Variants in RBPJ observed in about 807,000 individuals in gnomAD.
RBPJ encodes recombining binding protein suppressor of hairless.
RBPJ carries 9 observed loss-of-function variants against 67.8 expected under a neutral mutation model. That is an observed-to-expected ratio of 0.13 (90% confidence interval 0.08 to 0.23). The LOEUF is 0.23. Ranked by LOEUF, RBPJ falls within the 10% of genes least tolerant of loss-of-function variation. The pLI, the probability that RBPJ is intolerant of heterozygous loss-of-function variation, is 1.00. For synonymous variants in RBPJ, 198 were observed against 203.3 expected (o/e 0.97, Z 0.22); for missense variants, 305 against 595.6 (o/e 0.51, Z 5.08).
chr4:26,346,995 AAAAAAAT>A (rs896324449), intron 1 of RBPJ, among the ~76,000 whole-genome samples: 1 of 152,124 alleles, frequency 6.6e-6, no homozygotes, highest in African/African-American at 2.4e-5. Flanking sequence ...CCATCTCAAA[AAAAAAAT>A]AAAAAATAAA....
chr4:26,364,924 CTTTATAACTT>C (rs1162897076), intron 1 of RBPJ, among the ~76,000 whole-genome samples: 2 of 151,772 alleles, frequency 1.3e-5, no homozygotes, highest in Non-Finnish European at 2.9e-5. Flanking sequence ...GCCTGGAAGT[CTTTATAACTT>C]TGTGGTTAAG....
At chr4:26,201,038 T>C (rs556974990) in intron 1 of RBPJ, among the ~76,000 whole-genome samples, 10 of 152,198 alleles carry the variant, frequency 6.6e-5, no homozygotes, top group Non-Finnish European at 8.8e-5. Context: ...TGAGTATCCA[T>C]TCACCATCTC....
At chr4:26,161,582 G>T (rs1716078858), upstream of RBPJ, among the ~76,000 whole-genome samples, 1 of 152,176 alleles carries the variant, frequency 6.6e-6, no homozygotes, top group Admixed American at 6.5e-5. Context: ...CTGCTATGGG[G>T]TCCCTTGTCC....
intron 1 of RBPJ, among the ~76,000 whole-genome samples, chr4:26,381,307 G>T (rs971966940): frequency 6.6e-6 from 1 of 151,946 alleles, no homozygotes. Context: ...CAAAACAGAA[G>T]TATATATATT....
chr4:26,217,904 G>C (rs1331385824), intron 1 of RBPJ, among the ~76,000 whole-genome samples: 1 of 152,190 alleles, frequency 6.6e-6, no homozygotes, highest in Non-Finnish European at 1.5e-5. Flanking sequence ...AAGTGCCAGA[G>C]ACATAGACGT....
intron 3 of RBPJ, among the ~76,000 whole-genome samples, chr4:26,414,692 A>G (rs1278845162): frequency 1.3e-5 from 2 of 152,230 alleles, no homozygotes; most frequent in East Asian, 3.8e-4. Context: ...TAGGCTTTGC[A>G]ATAGATAATA....
intron 1 of RBPJ, among the ~76,000 whole-genome samples, chr4:26,365,725 T>A (rs904453148): frequency 6.6e-6 from 1 of 152,250 alleles, no homozygotes; most frequent in Non-Finnish European, 1.5e-5. Context: ...AGCATAAGTT[T>A]CAGTATGCTT....
At chr4:26,319,876 T>TG (rs547191229), upstream of RBPJ, 55 of 1,459,836 alleles carry the variant, frequency 3.8e-5, 1 homozygote, top group South Asian at 2.6e-4. Context: ...AGGGGAAAGA[T>TG]GGGGGGCTGC....
At chr4:26,274,746 C>CT (rs1410550774) in intron 1 of RBPJ, among the ~76,000 whole-genome samples, 3 of 152,100 alleles carry the variant, frequency 2.0e-5, no homozygotes, top group Admixed American at 2.0e-4. Context: ...GACCAGCCTG[C>CT]TCAACATGGC....
chr4:26,338,082 GTGTTTTTTTGT>G (rs1725056472), intron 1 of RBPJ, among the ~76,000 whole-genome samples: 2 of 126,726 alleles, frequency 1.6e-5, no homozygotes, highest in Admixed American at 1.5e-4. Context: ...TTTTGGCTTT[GTGTTTTTTTGT>G]TGTTTTTTTT....
chr4:26,115,056 A>G, the RBPJ span, among the ~76,000 whole-genome samples: 1 of 152,096 alleles, frequency 6.6e-6, no homozygotes. Context: ...TCTCTTCCCG[A>G]CTCCACATTC....
At chr4:26,161,099 G>T (rs1716068292), upstream of RBPJ, among the ~76,000 whole-genome samples, 1 of 152,250 alleles carries the variant, frequency 6.6e-6, no homozygotes, top group Non-Finnish European at 1.5e-5. Context: ...AGAATGGGCA[G>T]AAGTGACATC....
the RBPJ span, among the ~76,000 whole-genome samples, chr4:26,147,407 T>C: frequency 6.6e-6 from 1 of 152,240 alleles, no homozygotes; most frequent in African/African-American, 2.4e-5. Flanking sequence ...CCTCTGCTTT[T>C]GCCCCCGCAA....
intron 1 of RBPJ, among the ~76,000 whole-genome samples, chr4:26,248,128 T>TA (rs1719988468): frequency 6.6e-6 from 1 of 152,072 alleles, no homozygotes; most frequent in Admixed American, 6.6e-5. Context: ...CTGTCTCTAC[T>TA]AAAAATACAA....
chr4:26,214,533 A>AAGGG (rs139788316), intron 1 of RBPJ, among the ~76,000 whole-genome samples: 1 of 77,232 alleles, frequency 1.3e-5, no homozygotes, highest in African/African-American at 5.6e-5. Flanking sequence ...GGGAAGGAGG[A>AAGGG]AGGGAGGGAG....
Position 26,255,201 on chromosome 4 carries a change from G to A in RBPJ, c.-167+91587G>A, listed in dbSNP as rs1344777838. Among the ~76,000 whole-genome samples the A allele has an allele frequency of 3.6e-5, 5 of 140,638 alleles. No individual in the cohort carries two copies. The East Asian group carries it at 6.5e-4, about 18-fold the overall frequency. 92.3% of individuals were successfully genotyped at this position (140,638 alleles called of 152,430 possible). A position where few individuals can be genotyped will look rare whatever the true frequency, so the allele number is the denominator to read the frequency against. The stretch of plus-strand genomic sequence containing the variant: ...GGGTGGATCACGAGGTCAGGAGATC[G>A]GGACCATCCTGGCTAACACGGTGAG... On this transcript the variant is annotated intron_variant, in intron 1 of 4. Coordinates refer to the RBPJ transcript ENST00000512351.
chr4:26,139,858 G>T, the RBPJ span, among the ~76,000 whole-genome samples: 1 of 152,200 alleles, frequency 6.6e-6, no homozygotes, highest in South Asian at 2.1e-4. Flanking sequence ...AAGAATTAAA[G>T]AAATTTTTAA....
chr4:26,193,404 C>T (rs183044861), intron 1 of RBPJ, among the ~76,000 whole-genome samples: 4 of 152,236 alleles, frequency 2.6e-5, no homozygotes, highest in East Asian at 1.9e-4. Context: ...TCCACAGAGA[C>T]GCGTTCTCAT....
chr4:26,157,273 A>G, the RBPJ span, among the ~76,000 whole-genome samples: 2 of 152,032 alleles, frequency 1.3e-5, no homozygotes, highest in African/African-American at 4.8e-5. Flanking sequence ...CTCTCCAAAG[A>G]ATTTTTTACA....
Sources: gnomAD v4.1 joint callset for allele counts (sites outside exome capture counted in the v4.1 genomes callset) on GRCh38, gnomAD v4.1.1 for gene constraint, MANE v1.5 for transcripts, NCBI Gene and HGNC (gene_info 2026-07-23, HGNC 2026-07-21) for gene names.